LARS2: variants seen among roughly 807,000 people sequenced by gnomAD.
The protein encoded by LARS2 is leucyl-tRNA synthetase 2, mitochondrial, also known as leucine--tRNA ligase, mitochondrial.
Under a neutral mutation model 116.6 loss-of-function variants are expected in LARS2, and 81 were observed. The ratio of observed to expected loss-of-function variants is 0.69; its 90% CI spans 0.58 to 0.84. The LOEUF is 0.84. Among genes scored for constraint, LARS2 ranks in the 40% least tolerant of loss-of-function variants. The pLI, the probability that LARS2 is intolerant of heterozygous loss-of-function variation, is 0.00. For synonymous variants in LARS2, 396 were observed against 407.2 expected, an observed-to-expected ratio of 0.97 and a Z score of 0.33; for missense variants, 968 against 1,114.5, an observed-to-expected ratio of 0.87 and a Z score of 1.87.
At chr3:45,464,225 G>GAGAGA (rs1428802482) in intron 8 of LARS2, among the ~76,000 whole-genome samples, 2 of 152,208 alleles carry the variant, frequency 1.3e-5, no homozygotes, top group Admixed American at 6.5e-5. Flanking sequence ...GAGGTGAGGG[G>GAGAGA]AGAGAAGGGA....
chr3:45,539,890 T>G (rs988911447), intron 20 of LARS2, among the ~76,000 whole-genome samples: 1 of 151,452 alleles, frequency 6.6e-6, no homozygotes, highest in Non-Finnish European at 1.5e-5. Context: ...CATGATCTTG[T>G]GGTGGTGGTG....
intron 14 of LARS2, among the ~76,000 whole-genome samples, chr3:45,497,066 C>G (rs539422813): frequency 6.6e-6 from 1 of 151,942 alleles, no homozygotes; most frequent in Non-Finnish European, 1.5e-5. Context: ...AGAAGCCTCA[C>G]CTCTTACTAC....
At chr3:45,495,953 G>A (rs6441917) in intron 13 of LARS2, among the ~76,000 whole-genome samples, 2,548 of 151,904 alleles carry the variant, frequency 0.017, 29 homozygotes, top group Non-Finnish European at 0.026. Flanking sequence ...TCCACCTCCC[G>A]GGTTCAAGCC....
intron 19 of LARS2, among the ~76,000 whole-genome samples, chr3:45,521,179 C>A (rs542222728): frequency 6.3e-4 from 96 of 152,254 alleles, no homozygotes; most frequent in Middle Eastern, 6.8e-3. Context: ...GTGGCAGGCA[C>A]CAGTAGTCCC....
intron 20 of LARS2, among the ~76,000 whole-genome samples, chr3:45,535,195 C>T (rs1234003917): frequency 1.3e-5 from 2 of 151,916 alleles, no homozygotes; most frequent in Non-Finnish European, 2.9e-5. Flanking sequence ...TAAAAAAATA[C>T]AAAAACTTAG....
intron 7 of LARS2, among the ~76,000 whole-genome samples, chr3:45,451,702 C>A (rs1699131190): frequency 6.6e-6 from 1 of 151,976 alleles, no homozygotes; most frequent in Non-Finnish European, 1.5e-5. Context: ...TTTTGTGGTT[C>A]CATACAGATT....
intron 6 of LARS2, among the ~76,000 whole-genome samples, chr3:45,433,321 C>G (rs1283832639): frequency 1.3e-5 from 2 of 151,948 alleles, no homozygotes; most frequent in African/African-American, 2.4e-5. Flanking sequence ...GTTTTTGTTT[C>G]TGTTTTCTTT....
At chr3:45,412,105 G>T (rs896148121) in intron 4 of LARS2, among the ~76,000 whole-genome samples, 1 of 152,116 alleles carries the variant, frequency 6.6e-6, no homozygotes, top group African/African-American at 2.4e-5. Context: ...TGGTCATTTA[G>T]GTTGAGTCCA....
intron 19 of LARS2, among the ~76,000 whole-genome samples, chr3:45,521,409 TG>T (rs1463676188): frequency 1.3e-5 from 2 of 152,186 alleles, no homozygotes; most frequent in Non-Finnish European, 2.9e-5. Context: ...GAACCCATCC[TG>T]GGCAACAGAG....
At chr3:45,389,487 TG>T (rs1207380892) in intron 1 of LARS2, among the ~76,000 whole-genome samples, 3 of 152,190 alleles carry the variant, frequency 2.0e-5, no homozygotes, top group African/African-American at 7.2e-5. Context: ...AAGGCGGTCT[TG>T]GGACCACGGC....
At chr3:45,532,501 T>A (rs1243065865) in intron 20 of LARS2, among the ~76,000 whole-genome samples, 7 of 152,162 alleles carry the variant, frequency 4.6e-5, no homozygotes, top group Admixed American at 2.0e-4. Flanking sequence ...GGAAAAAAAA[T>A]CTATTTGCAA....
chr3:45,457,434 T>A (rs1486304950), intron 7 of LARS2, among the ~76,000 whole-genome samples: 2 of 152,192 alleles, frequency 1.3e-5, no homozygotes, highest in African/African-American at 2.4e-5. Flanking sequence ...ATCCCAATAC[T>A]TTGGGAGGCC....
intron 6 of LARS2, among the ~76,000 whole-genome samples, chr3:45,420,542 T>TC (rs1010840793): frequency 3.9e-5 from 6 of 151,974 alleles, no homozygotes; most frequent in African/African-American, 1.5e-4. Flanking sequence ...TCCTCATCCC[T>TC]CCCCCCAACA....
At chr3:45,402,577 TC>T (rs1187479028) in intron 4 of LARS2, among the ~76,000 whole-genome samples, 2 of 152,220 alleles carry the variant, frequency 1.3e-5, no homozygotes, top group East Asian at 3.8e-4. Flanking sequence ...ACATCCATTG[TC>T]ATAACTGGTT....
At chr3:45,529,613 ATAAC>A (rs1353753271) in intron 20 of LARS2, among the ~76,000 whole-genome samples, 1 of 152,212 alleles carries the variant, frequency 6.6e-6, no homozygotes, top group Non-Finnish European at 1.5e-5. Flanking sequence ...CTAAGAACAC[ATAAC>A]TAACTGTAAT....
intron 4 of LARS2, among the ~76,000 whole-genome samples, chr3:45,415,529 G>A (rs1212402793): frequency 6.6e-6 from 1 of 152,144 alleles, no homozygotes; most frequent in African/African-American, 2.4e-5. Flanking sequence ...AGCATAGCTA[G>A]TGGTTTGCAA....
rs1290132136 is a variant in LARS2 at position 45,549,102 on chromosome 3, A to G, written c.*1572A>G. The G allele has an allele frequency of 6.6e-6, 1 of 152,276 alleles. No homozygotes were observed. Among genetic ancestry groups the G allele is most frequent in the African/African-American group, 2.4e-5 (1 of 41,480 alleles). The allele number at this position is 152,276 out of a possible 1,614,324, so 9.4% of individuals were successfully genotyped here. ...CTCTGCCTGGTCCTCATGCCCAGAT[A>G]TTCCAATTTAATTGGTCCATGGTGT... is the stretch of plus-strand genomic sequence containing the variant. On this transcript the variant is annotated 3_prime_UTR_variant, in exon 22 of 22. Coordinates refer to ENST00000645846, the MANE Select transcript of LARS2 (RefSeq NM_015340.4).
chr3:45,461,343 C>G (rs1699321482), intron 8 of LARS2, among the ~76,000 whole-genome samples: 1 of 151,914 alleles, frequency 6.6e-6, no homozygotes, highest in Non-Finnish European at 1.5e-5. Flanking sequence ...TCCCCCCTCA[C>G]ACACCTATGT....
chr3:45,437,940 T>C (rs894738121), intron 6 of LARS2, among the ~76,000 whole-genome samples: 1 of 151,886 alleles, frequency 6.6e-6, no homozygotes, highest in East Asian at 1.9e-4. Flanking sequence ...AAGAAAATAA[T>C]GTAGTGTATT....
Sources: gnomAD v4.1 joint callset for allele counts (sites outside exome capture counted in the v4.1 genomes callset) on GRCh38, gnomAD v4.1.1 for gene constraint, MANE v1.5 for transcripts, NCBI Gene and HGNC (gene_info 2026-07-23, HGNC 2026-07-21) for gene names.